Variants in SUPT3H observed in about 807,000 individuals in gnomAD.
The protein encoded by SUPT3H is transcription initiation protein SPT3 homolog.
In SUPT3H, 44 loss-of-function variants were observed where a neutral mutation model predicts 44.3. The observed-to-expected ratio is 0.99, with a 90% CI of 0.78 to 1.28. SUPT3H has a LOEUF of 1.28. Ranked by LOEUF, SUPT3H falls within the 50% of genes most tolerant of loss-of-function variation. The pLI is 0.00. For synonymous variants in SUPT3H, 124 were observed against 125.6 expected (o/e 0.99, Z 0.09); for missense variants, 380 against 387.1 (o/e 0.98, Z 0.15).
intron 6 of SUPT3H, among the ~76,000 whole-genome samples, chr6:44,977,943 A>T (rs9463056): frequency 0.12 from 17,973 of 152,146 alleles, 1,253 homozygotes; most frequent in African/African-American, 0.19. Flanking sequence ...TAAGATCTAG[A>T]AATGTATTCT....
At chr6:45,051,866 A>G (rs1790351115) in intron 3 of SUPT3H, among the ~76,000 whole-genome samples, 1 of 152,212 alleles carries the variant, frequency 6.6e-6, no homozygotes, top group South Asian at 2.1e-4. Context: ...GAAGTTACAC[A>G]GGAGTTGCAG....
chr6:45,116,761 A>G (rs1040280527), intron 2 of SUPT3H, among the ~76,000 whole-genome samples: 5 of 152,164 alleles, frequency 3.3e-5, no homozygotes, highest in Admixed American at 6.5e-5. Context: ...CAGTTGTTTA[A>G]AAGTGTACAA....
At chr6:45,007,696 T>C (rs1431116682) in intron 5 of SUPT3H, among the ~76,000 whole-genome samples, 1 of 152,048 alleles carries the variant, frequency 6.6e-6, no homozygotes, top group South Asian at 2.1e-4. Flanking sequence ...GCTTCCTCTA[T>C]GTTGGTGCAT....
intron 2 of SUPT3H, among the ~76,000 whole-genome samples, chr6:45,353,778 C>CA: frequency 6.6e-6 from 1 of 151,462 alleles, no homozygotes; most frequent in East Asian, 1.9e-4. Context: ...AATGAAAACT[C>CA]ATTTTTTTTT....
chr6:45,241,924 C>A (rs992343286), intron 2 of SUPT3H, among the ~76,000 whole-genome samples: 1 of 152,094 alleles, frequency 6.6e-6, no homozygotes, highest in Non-Finnish European at 1.5e-5. Flanking sequence ...GGCAAGAAAG[C>A]AAATTGCTAG....
intron 4 of SUPT3H, among the ~76,000 whole-genome samples, chr6:45,019,325 G>T (rs976297133): frequency 6.6e-6 from 1 of 151,822 alleles, no homozygotes; most frequent in Non-Finnish European, 1.5e-5. Flanking sequence ...TTTTTTGAAG[G>T]GTTTTTTTGT....
intron 10 of SUPT3H, among the ~76,000 whole-genome samples, chr6:44,846,329 A>G (rs182730129): frequency 6.6e-6 from 1 of 152,232 alleles, no homozygotes. Context: ...TCGATTTACT[A>G]ATCTCTTCAA....
At chr6:45,184,014 T>C (rs537790199) in intron 2 of SUPT3H, among the ~76,000 whole-genome samples, 4 of 152,154 alleles carry the variant, frequency 2.6e-5, no homozygotes, top group African/African-American at 7.2e-5. Flanking sequence ...TAATGGTGCA[T>C]ACATGTCATA....
intron 2 of SUPT3H, among the ~76,000 whole-genome samples, chr6:45,301,353 C>A (rs1782116165): frequency 1.3e-5 from 2 of 152,304 alleles, no homozygotes; most frequent in South Asian, 2.1e-4. Flanking sequence ...TCCATTCCAG[C>A]TTTATATAAT....
chr6:45,311,645 T>A (rs1413427804), intron 2 of SUPT3H, among the ~76,000 whole-genome samples: 2 of 152,054 alleles, frequency 1.3e-5, no homozygotes, highest in Non-Finnish European at 2.9e-5. Flanking sequence ...CTAGAAGGGA[T>A]TGGGGCCCTA....
intron 2 of SUPT3H, among the ~76,000 whole-genome samples, chr6:45,282,617 C>T (rs931039379): frequency 2.6e-5 from 4 of 152,186 alleles, no homozygotes; most frequent in African/African-American, 9.6e-5. Context: ...GATTGGTGTA[C>T]CTGAAAGTGA....
At chr6:44,953,930 G>T (rs887979739) in intron 8 of SUPT3H, among the ~76,000 whole-genome samples, 8 of 151,942 alleles carry the variant, frequency 5.3e-5, no homozygotes, top group Non-Finnish European at 8.8e-5. Context: ...TAGAGATGTG[G>T]TTTCACCATA....
chr6:44,953,330 G>T lies in SUPT3H; in HGVS notation c.781C>A (p.Gln261Lys). ...CTTACCTCAGCAGAGTTGTGATACTGAATGAAGGTTGCAGAAATGGCATGG... is the reference window on the plus strand; with the variant it reads ...CTTACCTCAGCAGAGTTGTGATACTTAATGAAGGTTGCAGAAATGGCATGG... Reference protein sequence around the residue: ...FSHAISATFIQYHNSAESTAA... With the variant: ...FSHAISATFIKYHNSAESTAA... The change falls in exon 9 of 11, where the codon CAG (glutamine) becomes AAG (lysine). Residue 261 changes from glutamine (Q) to lysine (K), a missense_variant. By Grantham distance (53) the Gln-to-Lys change is moderately conservative (BLOSUM62 1). Coordinates refer to ENST00000371459, the MANE Select transcript of SUPT3H (RefSeq NM_003599.4). 1 of 1,614,002 alleles carries T rather than the reference G, an allele frequency of 6.2e-7. No homozygotes were observed. Among genetic ancestry groups the T allele is most frequent in the South Asian group, 1.1e-5 (1 of 91,066 alleles).
intron 2 of SUPT3H, among the ~76,000 whole-genome samples, chr6:45,120,460 C>G (rs1401318016): frequency 8.6e-6 from 1 of 115,638 alleles, no homozygotes; most frequent in Non-Finnish European, 2.0e-5. Flanking sequence ...AAGCATATAT[C>G]CAAGTTAGGG....
rs746279156 is a variant in SUPT3H at position 44,937,900 on chromosome 6, CTTTTTTTTTTT to C, written c.802-5148_802-5138del. Among the ~76,000 whole-genome samples the C allele has an allele frequency of 1.7e-4, 10 of 59,112 alleles. 1 individual carries two copies. Among genetic ancestry groups the C allele is most frequent in the African/African-American group, 4.5e-4 (6 of 13,290 alleles). The allele number at this position is 59,112 out of a possible 152,430, so 38.8% of individuals were successfully genotyped here. The stretch of plus-strand genomic sequence containing the variant: ...ATTCTGCAGGTTCTTTGCTCACTAT[CTTTTTTTTTTT>C]TTTTTTTTTTTTTTTTGAGGCGGAG... On this transcript the variant is annotated intron_variant, in intron 9 of 10. Coordinates refer to ENST00000371459, the MANE Select transcript of SUPT3H (RefSeq NM_003599.4).
intron 2 of SUPT3H, among the ~76,000 whole-genome samples, chr6:45,266,323 A>G (rs1775257993): frequency 6.6e-6 from 1 of 152,002 alleles, no homozygotes; most frequent in Non-Finnish European, 1.5e-5. Flanking sequence ...TACAACATGG[A>G]CATCATAAAT....
At chr6:45,289,404 T>TA (rs1387524613) in intron 2 of SUPT3H, among the ~76,000 whole-genome samples, 1 of 152,120 alleles carries the variant, frequency 6.6e-6, no homozygotes, top group Non-Finnish European at 1.5e-5. Context: ...ACTGAGGAAA[T>TA]AGAAAGCCAC....
chr6:44,987,849 T>G (rs1780034414), intron 6 of SUPT3H, among the ~76,000 whole-genome samples: 3 of 152,058 alleles, frequency 2.0e-5, no homozygotes, highest in Non-Finnish European at 4.4e-5. Flanking sequence ...ATGAGTGAAC[T>G]AGGAATGAAG....
At chr6:44,905,913 C>G (rs1368893878) in intron 10 of SUPT3H, among the ~76,000 whole-genome samples, 1 of 152,084 alleles carries the variant, frequency 6.6e-6, no homozygotes, top group Admixed American at 6.6e-5. Flanking sequence ...TCTCAGCAAA[C>G]TATCGCAAGG....
Sources: allele counts gnomAD v4.1 joint callset (sites outside exome capture counted in the v4.1 genomes callset), GRCh38; gene constraint gnomAD v4.1.1; transcripts MANE v1.5; gene names NCBI Gene and HGNC (gene_info 2026-07-23, HGNC 2026-07-21).